Variants in SPRY3 observed in about 807,000 individuals in gnomAD.
The protein encoded by SPRY3 is protein sprouty homolog 3.
SPRY3 carries 15 observed loss-of-function variants against 20.2 expected under a neutral mutation model. The observed-to-expected ratio is 0.74, with a 90% CI of 0.50 to 1.14. SPRY3 has a LOEUF of 1.14. Among genes scored for constraint, SPRY3 ranks in the 50% most tolerant of loss-of-function variants. The pLI is 0.00. For synonymous variants in SPRY3, 143 were observed against 136.5 expected (o/e 1.05, Z -0.33); for missense variants, 364 against 363.9 (o/e 1.00, Z 0.00).
At chrX:155,728,401 A>G (rs1450060490) in intron 2 of SPRY3, among the ~76,000 whole-genome samples, 2 of 152,214 alleles carry the variant, frequency 1.3e-5, no homozygotes, top group Non-Finnish European at 2.9e-5. Flanking sequence ...TTGTTCAGCT[A>G]TGCCCTGCCC....
At chrX:155,721,485 G>A (rs900594369) in intron 2 of SPRY3, among the ~76,000 whole-genome samples, 3 of 151,938 alleles carry the variant, frequency 2.0e-5, no homozygotes, top group African/African-American at 7.3e-5. Context: ...ACCCAAAGAA[G>A]ACTACCTCAA....
chrX:155,688,199 C>T (rs1213049371), intron 2 of SPRY3, among the ~76,000 whole-genome samples: 1 of 110,108 alleles, frequency 9.1e-6, no homozygotes, highest in Non-Finnish European at 1.9e-5. Context: ...TTCGTGTCCC[C>T]GAAGAGGACA....
chrX:155,753,455 T>C (rs1396819099), intron 2 of SPRY3, among the ~76,000 whole-genome samples: 1 of 151,986 alleles, frequency 6.6e-6, no homozygotes, highest in Non-Finnish European at 1.5e-5. Context: ...AAATATTCCA[T>C]TGTATGGATA....
At chrX:155,754,897 T>C (rs2091277831) in intron 2 of SPRY3, among the ~76,000 whole-genome samples, 2 of 152,086 alleles carry the variant, frequency 1.3e-5, no homozygotes, top group Admixed American at 1.3e-4. Context: ...TCATTGCTAG[T>C]GTATAGATAT....
chrX:155,759,094 A>T (rs2091294474), intron 2 of SPRY3, among the ~76,000 whole-genome samples: 1 of 147,298 alleles, frequency 6.8e-6, no homozygotes, highest in African/African-American at 2.5e-5. Flanking sequence ...TGACTCTTAC[A>T]CTGTTGCCCA....
intron 1 of SPRY3, among the ~76,000 whole-genome samples, chrX:155,614,856 G>T (rs2067845763): frequency 9.0e-6 from 1 of 111,074 alleles, no homozygotes; most frequent in Non-Finnish European, 1.9e-5. Context: ...AAAAGCAATA[G>T]GTACAAATGT....
intron 1 of SPRY3, among the ~76,000 whole-genome samples, chrX:155,624,836 CA>C (rs781901387): frequency 9.0e-6 from 1 of 111,581 alleles, no homozygotes; most frequent in African/African-American, 3.2e-5. Context: ...GTTCATTCAA[CA>C]AATGTTTATT....
chrX:155,685,954 AGACGGGG>A (rs1466593317), intron 2 of SPRY3, among the ~76,000 whole-genome samples: 5 of 110,336 alleles, frequency 4.5e-5, no homozygotes, highest in African/African-American at 1.7e-4. Flanking sequence ...TCTTTAGTAG[AGACGGGG>A]GTTTGGTAGA....
intron 2 of SPRY3, among the ~76,000 whole-genome samples, chrX:155,757,026 A>G (rs1374631035): frequency 6.6e-6 from 1 of 151,982 alleles, no homozygotes; most frequent in Non-Finnish European, 1.5e-5. Flanking sequence ...CTGAATATAT[A>G]CTCTACAGGG....
Position 155,709,028 on chromosome X carries a change from A to G in SPRY3, c.-282+52003A>G, listed in dbSNP as rs60245822. On this transcript the variant is annotated intron_variant, in intron 2 of 3. Transcript: ENST00000675360. ...TCATTATTTTTTATGACTGAATAATACCTCATTGTGTATATGTACATTTTC... is the reference window on the plus strand; with the variant it reads ...TCATTATTTTTTATGACTGAATAATGCCTCATTGTGTATATGTACATTTTC... Among the ~76,000 whole-genome samples the G allele has an allele frequency of 2.0e-4, 30 of 151,664 alleles. No homozygotes were observed. In the East Asian group the frequency reaches 5.6e-3, roughly 28 times the overall value.
At chrX:155,660,373 C>T (rs782569208) in intron 2 of SPRY3, among the ~76,000 whole-genome samples, 2 of 111,663 alleles carry the variant, frequency 1.8e-5, no homozygotes, top group South Asian at 3.7e-4. Context: ...TATTCCATTG[C>T]GGTCTGAGAA....
At chrX:155,719,640 C>T (rs2091043386) in intron 2 of SPRY3, among the ~76,000 whole-genome samples, 1 of 152,064 alleles carries the variant, frequency 6.6e-6, no homozygotes, top group Non-Finnish European at 1.5e-5. Flanking sequence ...AGCTCAGCCA[C>T]AGCAGGATAG....
intron 3 of SPRY3, among the ~76,000 whole-genome samples, chrX:155,773,307 G>GTTT (rs4013148): frequency 8.3e-6 from 1 of 120,740 alleles, no homozygotes; most frequent in African/African-American, 3.1e-5. Flanking sequence ...ATTTTGATTG[G>GTTT]ATATATATAT....
At chrX:155,752,755 T>C (rs2091269353) in intron 2 of SPRY3, among the ~76,000 whole-genome samples, 1 of 151,864 alleles carries the variant, frequency 6.6e-6, no homozygotes, top group South Asian at 2.1e-4. Flanking sequence ...ATATACTTGG[T>C]TGGCAAGAGT....
downstream of SPRY3, chrX:155,781,121 G>A (rs1425231894): frequency 1.2e-5 from 2 of 166,980 alleles, no homozygotes. Context: ...TAGAGAGAGA[G>A]AGAGAGATGG....
chrX:155,633,638 T>C (rs895510045), intron 1 of SPRY3, among the ~76,000 whole-genome samples: 2 of 111,301 alleles, frequency 1.8e-5, no homozygotes, highest in Non-Finnish European at 1.9e-5. Context: ...ATTATTACAC[T>C]GGTTCACGAG....
At chrX:155,650,765 G>A (rs2067974826) in intron 1 of SPRY3, among the ~76,000 whole-genome samples, 1 of 111,611 alleles carries the variant, frequency 9.0e-6, no homozygotes, top group Admixed American at 9.5e-5. Flanking sequence ...CGGTTTGATG[G>A]AGTGCCAAAT....
intron 2 of SPRY3, among the ~76,000 whole-genome samples, chrX:155,764,766 G>C (rs1197790663): frequency 6.6e-6 from 1 of 152,182 alleles, no homozygotes; most frequent in Non-Finnish European, 1.5e-5. Flanking sequence ...CTTTTGAAGA[G>C]AGAGGTGATT....
At chrX:155,781,443 T>G (rs2091462681), downstream of SPRY3, 3 of 166,956 alleles carry the variant, frequency 1.8e-5, no homozygotes, top group Admixed American at 2.0e-4. Context: ...TTGAGAAAAT[T>G]GAATCACTTT....
Sources: allele counts gnomAD v4.1 joint callset (sites outside exome capture counted in the v4.1 genomes callset), GRCh38; gene constraint gnomAD v4.1.1; transcripts MANE v1.5; gene names NCBI Gene and HGNC (gene_info 2026-07-23, HGNC 2026-07-21).